AMN1: variants seen among roughly 807,000 people sequenced by gnomAD.
AMN1 encodes protein AMN1 homolog.
In AMN1, 20 loss-of-function variants were observed where a neutral mutation model predicts 33.0. That is an observed-to-expected ratio of 0.61 (90% CI 0.43 to 0.88). AMN1 has a LOEUF of 0.88. Ranked by LOEUF, AMN1 falls within the 40% of genes least tolerant of loss-of-function variation. The pLI is 0.00. For synonymous variants in AMN1, 114 were observed against 111.9 expected, an observed-to-expected ratio of 1.02 and a Z score of -0.12; for missense variants, 246 against 307.4, an observed-to-expected ratio of 0.80 and a Z score of 1.49.
chr12:31,673,338 G>T (rs1423966464), intron 6 of AMN1, among the ~76,000 whole-genome samples: 1 of 151,542 alleles, frequency 6.6e-6, no homozygotes, highest in East Asian at 1.9e-4. Flanking sequence ...AAAATACCAA[G>T]GTTTATTGCC....
At chr12:31,672,811 AGGTAC>A (rs76383138) in intron 6 of AMN1, 6,698 of 164,900 alleles carry the variant, frequency 0.041, 433 homozygotes, top group East Asian at 0.27. Context: ...GAAAGCCAAT[AGGTAC>A]GGTAAACCAC....
chr12:31,685,881 T>G (rs1316808715), intron 6 of AMN1, among the ~76,000 whole-genome samples: 10 of 151,510 alleles, frequency 6.6e-5, no homozygotes, highest in African/African-American at 2.2e-4. Context: ...AAACGGAGTT[T>G]CACTCTTGTT....
intron 3 of AMN1, among the ~76,000 whole-genome samples, chr12:31,699,361 A>G (rs1219863175): frequency 7.3e-6 from 1 of 137,126 alleles, no homozygotes; most frequent in Non-Finnish European, 1.5e-5. Context: ...GCACCACTAC[A>G]CTCAAGCCTG....
chr12:31,718,806 C>G (rs769886219), intron 1 of AMN1, among the ~76,000 whole-genome samples: 1 of 152,246 alleles, frequency 6.6e-6, no homozygotes, highest in Non-Finnish European at 1.5e-5. Context: ...GTAGGCCTTG[C>G]TGAGCTGTAG....
chr12:31,703,262 C>T (rs1592164777), intron 2 of AMN1, among the ~76,000 whole-genome samples: 1 of 152,246 alleles, frequency 6.6e-6, no homozygotes, highest in East Asian at 1.9e-4. Flanking sequence ...ACTAAAATTA[C>T]CCATAATACC....
At chr12:31,702,638 C>CA (rs1229972292) in intron 2 of AMN1, among the ~76,000 whole-genome samples, 2 of 151,874 alleles carry the variant, frequency 1.3e-5, no homozygotes, top group Non-Finnish European at 2.9e-5. Context: ...GTAAAACACT[C>CA]AGACAATTTA....
At chr12:31,702,910 A>AT (rs1461664028) in intron 2 of AMN1, among the ~76,000 whole-genome samples, 1 of 151,812 alleles carries the variant, frequency 6.6e-6, no homozygotes, top group Non-Finnish European at 1.5e-5. Context: ...CTAATTTTGT[A>AT]TTTTTTAGTA....
intron 5 of AMN1, among the ~76,000 whole-genome samples, chr12:31,694,297 C>T (rs868704566): frequency 9.2e-5 from 14 of 151,636 alleles, no homozygotes; most frequent in Non-Finnish European, 2.9e-5. Context: ...CAAAAATTAG[C>T]TGGGCATGGT....
intron 1 of AMN1, among the ~76,000 whole-genome samples, chr12:31,723,699 T>G (rs912875413): frequency 2.6e-5 from 4 of 152,190 alleles, no homozygotes; most frequent in Non-Finnish European, 5.9e-5. Context: ...TGCCATTTCT[T>G]TATGTGTTGT....
intron 2 of AMN1, among the ~76,000 whole-genome samples, chr12:31,705,876 C>T (rs1939214005): frequency 6.6e-6 from 1 of 152,146 alleles, no homozygotes; most frequent in Non-Finnish European, 1.5e-5. Context: ...AAGTTAGTTC[C>T]CTCCTACCTT....
chr12:31,719,750 G>C (rs558092564), intron 1 of AMN1, among the ~76,000 whole-genome samples: 1 of 152,224 alleles, frequency 6.6e-6, no homozygotes, highest in South Asian at 2.1e-4. Flanking sequence ...TCCAGTTGGA[G>C]GTATCAACCC....
intron 2 of AMN1, 119 bp downstream of exon 2, chr12:31,709,173 TA>T (rs371429545): frequency 0.061 from 52,873 of 861,724 alleles, 4 homozygotes; most frequent in Non-Finnish European, 0.065. Context: ...TGACCCTGTA[TA>T]AAAAAAAAAA....
intron 6 of AMN1, among the ~76,000 whole-genome samples, chr12:31,678,120 T>C (rs1032390779): frequency 3.3e-5 from 5 of 152,200 alleles, no homozygotes; most frequent in Non-Finnish European, 7.3e-5. Context: ...TCCCTGGGTG[T>C]TTGGCTCTTC....
chr12:31,676,011 G>T (rs1937679852), intron 6 of AMN1, among the ~76,000 whole-genome samples: 1 of 151,612 alleles, frequency 6.6e-6, no homozygotes, highest in Non-Finnish European at 1.5e-5. Context: ...CAAGGTACAA[G>T]AACAATATAT....
intron 3 of AMN1, among the ~76,000 whole-genome samples, chr12:31,699,438 A>G (rs1240460160): frequency 6.6e-6 from 1 of 151,064 alleles, no homozygotes; most frequent in Non-Finnish European, 1.5e-5. Context: ...AAAGAAAAGA[A>G]AAAGGAAGAA....
intron 6 of AMN1, chr12:31,673,619 T>C (rs762581052): frequency 1.6e-5 from 7 of 433,764 alleles, no homozygotes; most frequent in South Asian, 1.2e-4. Context: ...TCCAACTCTT[T>C]CTGTGAGGCC....
At chr12:31,702,577 C>A (rs1218118120) in intron 2 of AMN1, among the ~76,000 whole-genome samples, 1 of 150,994 alleles carries the variant, frequency 6.6e-6, no homozygotes, top group Non-Finnish European at 1.5e-5. Context: ...ATTTTTTTTC[C>A]AAAATAGAAA....
Position 31,675,496 on chromosome 12 carries a change from C to A in AMN1, c.704-3119G>T, listed in dbSNP as rs540740958. On this transcript the variant is annotated intron_variant, in intron 6 of 6. Transcript: ENST00000281471. ...TCCCTAGGATCAAGACAAGGATATCCACACTTTTTTTTTTTTTTGAGACAG... is the reference window on the plus strand; with the variant it reads ...TCCCTAGGATCAAGACAAGGATATCAACACTTTTTTTTTTTTTTGAGACAG... Among the ~76,000 whole-genome samples, 207 of 151,304 alleles carry A rather than the reference C, an allele frequency of 1.4e-3. 3 individuals are homozygous for A. The highest frequency in any genetic ancestry group is 4.4e-3 in the African/African-American group (182 of 40,956).
chr12:31,725,935 G>A (rs1334065115), intron 1 of AMN1, among the ~76,000 whole-genome samples: 3 of 152,118 alleles, frequency 2.0e-5, no homozygotes, highest in Non-Finnish European at 4.4e-5. Context: ...CTGACCTCAA[G>A]TGATTCACCT....
Sources: gnomAD v4.1 joint callset for allele counts (sites outside exome capture counted in the v4.1 genomes callset) on GRCh38, gnomAD v4.1.1 for gene constraint, MANE v1.5 for transcripts, NCBI Gene and HGNC (gene_info 2026-07-23, HGNC 2026-07-21) for gene names.